RIMKLB: variants seen among roughly 807,000 people sequenced by gnomAD.
RIMKLB encodes ribosomal modification protein rimK like family member B.
RIMKLB carries 7 observed loss-of-function variants against 32.0 expected under a neutral mutation model. The observed-to-expected ratio is 0.22, with a 90% CI of 0.12 to 0.41. The LOEUF (loss-of-function observed/expected upper bound fraction) is 0.41. RIMKLB is among the 10% of genes least tolerant of loss of function. The pLI is 1.00. For synonymous variants in RIMKLB, 172 were observed against 185.1 expected (o/e 0.93, Z 0.57); for missense variants, 289 against 498.7 (o/e 0.58, Z 4.00).
At chr12:8,695,276 G>C (rs1942854479), upstream of RIMKLB, among the ~76,000 whole-genome samples, 1 of 145,934 alleles carries the variant, frequency 6.9e-6, no homozygotes, top group Non-Finnish European at 1.5e-5. Context: ...TGTGGTGCAT[G>C]ATTATGTCAA....
chr12:8,709,458 C>CA (rs2136879432), intron 1 of RIMKLB, among the ~76,000 whole-genome samples: 1 of 152,360 alleles, frequency 6.6e-6, no homozygotes, highest in South Asian at 2.1e-4. Context: ...CATTGAGGGG[C>CA]AGAAGCAGGC....
Position 8,775,688 on chromosome 12 carries a change from T to C in RIMKLB, c.*1904T>C, listed in dbSNP as rs867904819. ...GTTTTAAAAAGGAATGTAATAAAATTTGTTTTTTCCATAGAATTAAATAAT... is the reference window on the plus strand; with the variant it reads ...GTTTTAAAAAGGAATGTAATAAAATCTGTTTTTTCCATAGAATTAAATAAT... On this transcript the variant is annotated 3_prime_UTR_variant, in exon 6 of 6. Coordinates refer to ENST00000535829, the MANE Select transcript of RIMKLB (RefSeq NM_001297776.2). 169 of 985,090 alleles carry C rather than the reference T, an allele frequency of 1.7e-4. No homozygotes were observed. The African/African-American group carries it at 2.7e-3, about 16-fold the overall frequency. 61.0% of individuals were successfully genotyped at this position (985,090 alleles called of 1,614,324 possible). A position where few individuals can be genotyped will look rare whatever the true frequency, so the allele number is the denominator to read the frequency against.
rs775699614 is a variant in RIMKLB, at chr12:8,698,077, A to T, written c.-277A>T. The T allele has an allele frequency of 9.4e-4, 244 of 260,924 alleles. No individual in the cohort carries two copies. Among genetic ancestry groups the T allele is most frequent in the African/African-American group, 5.3e-3 (224 of 42,098 alleles). 16.2% of individuals were successfully genotyped at this position (260,924 alleles called of 1,614,324 possible). A position where few individuals can be genotyped will look rare whatever the true frequency, so the allele number is the denominator to read the frequency against. On this transcript the variant is annotated 5_prime_UTR_variant, in exon 1 of 6. Transcript: ENST00000535829. Reference sequence around the variant, plus strand: ...TGGGAGTGGGGTGAGGGAGAAGCTGACGGGACGCGAGGCTGTGAGAAACTG... The same window carrying T: ...TGGGAGTGGGGTGAGGGAGAAGCTGTCGGGACGCGAGGCTGTGAGAAACTG...
the RIMKLB span, among the ~76,000 whole-genome samples, chr12:8,669,298 G>A: frequency 2.6e-5 from 4 of 151,978 alleles, no homozygotes; most frequent in Non-Finnish European, 4.4e-5. Flanking sequence ...ATTACTATGG[G>A]GAGAACACCA....
At chr12:8,777,856 A>G (rs924091510), downstream of RIMKLB, 47 of 291,644 alleles carry the variant, frequency 1.6e-4, no homozygotes, top group Non-Finnish European at 2.5e-4. Flanking sequence ...TTCTTTTTTT[A>G]AAACTTCCTT....
chr12:8,737,387 A>G (rs1947106222), intron 2 of RIMKLB, among the ~76,000 whole-genome samples: 1 of 152,138 alleles, frequency 6.6e-6, no homozygotes, highest in East Asian at 1.9e-4. Context: ...TTTGGTAAGA[A>G]TATCACATAA....
At chr12:8,679,256 T>C (rs1176079099), upstream of RIMKLB, 3 of 152,268 alleles carry the variant, frequency 2.0e-5, no homozygotes, top group East Asian at 5.8e-4. Context: ...TGATCTTGGC[T>C]CACTGCAACC....
intron 2 of RIMKLB, chr12:8,714,292 T>C (rs1944621255): frequency 3.0e-6 from 1 of 328,200 alleles, no homozygotes; most frequent in African/African-American, 2.1e-5. Context: ...TAGGCGCATA[T>C]CTGTAGTTCC....
chr12:8,704,936 T>C (rs1943718284), intron 1 of RIMKLB, among the ~76,000 whole-genome samples: 2 of 150,720 alleles, frequency 1.3e-5, no homozygotes, highest in Admixed American at 6.6e-5. Flanking sequence ...GTTGCGTCAC[T>C]GCAGGCTTGG....
At chr12:8,745,494 A>C (rs901860616) in intron 2 of RIMKLB, among the ~76,000 whole-genome samples, 3 of 151,508 alleles carry the variant, frequency 2.0e-5, no homozygotes, top group Non-Finnish European at 4.4e-5. Flanking sequence ...TCCCTGGTTC[A>C]AGCAGTTCTT....
chr12:8,750,629 T>G (rs1186462422), intron 3 of RIMKLB, among the ~76,000 whole-genome samples: 2 of 152,188 alleles, frequency 1.3e-5, no homozygotes, highest in Non-Finnish European at 2.9e-5. Flanking sequence ...AAAAGGGTTT[T>G]TTTTTTTAAA....
intron 2 of RIMKLB, among the ~76,000 whole-genome samples, chr12:8,744,012 A>G (rs1211790291): frequency 6.6e-6 from 1 of 151,866 alleles, no homozygotes; most frequent in African/African-American, 2.4e-5. Flanking sequence ...TTTTACAATG[A>G]GAGTGGAATC....
intron 2 of RIMKLB, among the ~76,000 whole-genome samples, chr12:8,738,676 A>T (rs1947232291): frequency 6.6e-6 from 1 of 152,188 alleles, no homozygotes; most frequent in Non-Finnish European, 1.5e-5. Context: ...GTAGAGAGAA[A>T]AGTTGTAGTT....
Position 8,774,872 on chromosome 12 carries a change from A to G in RIMKLB, c.*1088A>G. Reference sequence around the variant, plus strand: ...CATTTTTCACATTTTACGAGGGAGTATATGTGTATGTGTGTGCACGCATGC... The same window carrying G: ...CATTTTTCACATTTTACGAGGGAGTGTATGTGTATGTGTGTGCACGCATGC... On this transcript the variant is annotated 3_prime_UTR_variant, in exon 6 of 6. Coordinates refer to ENST00000535829, the MANE Select transcript of RIMKLB (RefSeq NM_001297776.2). 1 of 985,656 alleles carries G rather than the reference A, an allele frequency of 1.0e-6. No homozygotes were observed. The highest frequency in any genetic ancestry group is 1.2e-6 in the Non-Finnish European group (1 of 829,860). The allele number at this position is 985,656 out of a possible 1,614,324, so 61.1% of individuals were successfully genotyped here. A position where few individuals can be genotyped will look rare whatever the true frequency, so the allele number is the denominator to read the frequency against.
In RIMKLB at chr12:8,773,419, C is replaced by A; in HGVS notation, c.796C>A (p.Leu266Met). 1 of 1,614,080 alleles carries A rather than the reference C, an allele frequency of 6.2e-7. No individual in the cohort carries two copies. The highest frequency in any genetic ancestry group is 1.1e-5 in the South Asian group (1 of 91,088). ...GATGGATGTGTGTGGCATTGATCTGCTGATGAAAGATGACGGCTCCTTCTG... is the reference window on the plus strand; with the variant it reads ...GATGGATGTGTGTGGCATTGATCTGATGATGAAAGATGACGGCTCCTTCTG... The part of the protein sequence containing the change: ...LGMDVCGIDL[L>M]MKDDGSFCVC... The change falls in exon 6 of 6, where the codon CTG becomes ATG. Residue 266 changes from leucine (L) to methionine (M), a missense_variant. Physicochemically the swap from Leu to Met is conservative, Grantham distance 15 (BLOSUM62 2). Transcript: ENST00000535829.
intron 5 of RIMKLB, among the ~76,000 whole-genome samples, chr12:8,764,863 G>T (rs919247047): frequency 2.6e-5 from 4 of 151,516 alleles, no homozygotes; most frequent in Non-Finnish European, 5.9e-5. Flanking sequence ...GCCCTATTAG[G>T]CGTTGGATTT....
intron 1 of RIMKLB, among the ~76,000 whole-genome samples, chr12:8,684,321 C>T (rs976956358): frequency 3.3e-5 from 5 of 150,412 alleles, no homozygotes; most frequent in East Asian, 2.0e-4. Context: ...TACAGGCACA[C>T]GCCACCACAC....
chr12:8,781,904 C>T (rs893168621), downstream of RIMKLB, among the ~76,000 whole-genome samples: 1 of 151,812 alleles, frequency 6.6e-6, no homozygotes, highest in African/African-American at 2.4e-5. Flanking sequence ...TGTTTATTCA[C>T]CCAACTACTT....
intron 1 of RIMKLB, among the ~76,000 whole-genome samples, chr12:8,681,996 A>G (rs1942421002): frequency 6.6e-6 from 1 of 152,060 alleles, no homozygotes. Context: ...GGGATCTGAC[A>G]TTGACTGCAG....
Sources: gnomAD v4.1 joint callset for allele counts (sites outside exome capture counted in the v4.1 genomes callset) on GRCh38, gnomAD v4.1.1 for gene constraint, MANE v1.5 for transcripts, NCBI Gene and HGNC (gene_info 2026-07-23, HGNC 2026-07-21) for gene names.